The following ITPR1 variants were observed in gnomAD, a reference collection of about 807,000 sequenced individuals.
ITPR1 encodes the protein inositol 1,4,5-trisphosphate-gated calcium channel ITPR1.
ITPR1 carries 96 observed loss-of-function variants against 318.4 expected under a neutral mutation model. That is an observed-to-expected ratio of 0.30 (90% CI 0.26 to 0.36). The LOEUF (loss-of-function observed/expected upper bound fraction) is 0.36. Among genes scored for constraint, ITPR1 ranks in the 10% least tolerant of loss-of-function variants. ITPR1 has a pLI of 1.00. For missense variants in ITPR1, 2,440 were observed against 3,460.2 expected (o/e 0.71, Z 7.40); for synonymous variants, 1,312 against 1,289.9 (o/e 1.02, Z -0.37).
chr3:4,793,240 T>C lies in ITPR1; in HGVS notation c.6809-1825T>C, dbSNP rs574028207. 2.6e-5 allele frequency among the ~76,000 whole-genome samples: 4 copies of C among 152,366 alleles called. No homozygotes were observed. In the South Asian group the frequency reaches 6.2e-4, roughly 24 times the overall value. On this transcript the variant is annotated intron_variant, in intron 52 of 61. Transcript: ENST00000649015. The stretch of plus-strand genomic sequence containing the variant: ...AACTATATGCCATAGTTGAAGACCA[T>C]TTATTACAATCATATTAGCGTATCC...
intron 56 of ITPR1, 46 bp from the exon 57 acceptor site, chr3:4,813,096 A>G: frequency 7.0e-7 from 1 of 1,430,878 alleles, no homozygotes; most frequent in Admixed American, 1.7e-5. Flanking sequence ...CATTTTAACC[A>G]TATGCTGCCA....
rs566427693 is a variant in ITPR1 at position 4,719,529 on chromosome 3, C to T, written c.5136+2130C>T. Among the ~76,000 whole-genome samples the T allele has an allele frequency of 1.6e-3, 249 of 152,330 alleles. 1 individual carries two copies. The highest frequency in any genetic ancestry group is 5.5e-3 in the African/African-American group (227 of 41,572). ...CTGGCCCGGGATTAAGGCAGGGCCTCACATCTGAACTGCGTACCCATGTTC... is the reference window on the plus strand; with the variant it reads ...CTGGCCCGGGATTAAGGCAGGGCCTTACATCTGAACTGCGTACCCATGTTC... On this transcript the variant is annotated intron_variant, in intron 40 of 61. Transcript: ENST00000649015.
At chr3:4,650,012 A>G (rs1159039881) in intron 10 of ITPR1, among the ~76,000 whole-genome samples, 1 of 152,216 alleles carries the variant, frequency 6.6e-6, no homozygotes, top group African/African-American at 2.4e-5. Flanking sequence ...AGACCATACC[A>G]GATAACATGT....
At chr3:4,776,736 T>C (rs1282942132) in intron 47 of ITPR1, among the ~76,000 whole-genome samples, 1 of 152,236 alleles carries the variant, frequency 6.6e-6, no homozygotes, top group Non-Finnish European at 1.5e-5. Flanking sequence ...AGTTTGCTTC[T>C]CTGCCAAATA....
chr3:4,511,620 G>C (rs888550817), intron 2 of ITPR1, among the ~76,000 whole-genome samples: 1 of 152,210 alleles, frequency 6.6e-6, no homozygotes, highest in African/African-American at 2.4e-5. Context: ...CCTTATGTCA[G>C]CTTGCTGAGG....
Position 4,683,766 on chromosome 3 carries a change from G to C in ITPR1, c.3466G>C (p.Ala1156Pro), listed in dbSNP as rs760652235. 6.2e-7 allele frequency: 1 copy of C among 1,614,010 alleles called. No homozygotes were observed. Among genetic ancestry groups the C allele is most frequent in the Non-Finnish European group, 8.5e-7 (1 of 1,179,868 alleles). The change falls in exon 28 of 62, where the codon GCA becomes CCA. Residue 1156 changes from alanine (A) to proline (P), a missense_variant. Around this residue, in one of 23 missense-constraint regions of ITPR1, gnomAD observed 86 missense variants for 75.6 expected, o/e 1.14. Coordinates refer to ENST00000649015, the MANE Select transcript of ITPR1 (RefSeq NM_001378452.1). ...GQGPDETMDG[A>P]SGENEHKKTE... ...GGGCCCCGATGAGACTATGGATGGT[G>C]CATCTGGAGAAAATGAACATAAGAA...
At chr3:4,815,910 A>T (rs549288174) in intron 59 of ITPR1, among the ~76,000 whole-genome samples, 1 of 152,172 alleles carries the variant, frequency 6.6e-6, no homozygotes, top group Non-Finnish European at 1.5e-5. Context: ...TAGAAAAGAC[A>T]TGACTATCCA....
At chr3:4,513,722 G>T (rs942515697) in intron 2 of ITPR1, among the ~76,000 whole-genome samples, 7 of 152,178 alleles carry the variant, frequency 4.6e-5, no homozygotes, top group African/African-American at 1.4e-4. Context: ...ATCATCCGGA[G>T]TATAAGAACA....
Position 4,630,561 on chromosome 3 carries a change from CATTATT to C in ITPR1, c.279+2717_279+2722del, listed in dbSNP as rs71053435. ...TTTTTTTACTATTTTAAATTGTCCG[CATTATT>C]ATTATTATTATTATTATTATTATTA... On this transcript the variant is annotated intron_variant, in intron 5 of 61. Coordinates refer to ENST00000649015, the MANE Select transcript of ITPR1 (RefSeq NM_001378452.1). Among the ~76,000 whole-genome samples, 351 of 138,664 alleles carry C rather than the reference CATTATT, an allele frequency of 2.5e-3. 2 individuals are homozygous for C. Among genetic ancestry groups the C allele is most frequent in the African/African-American group, 3.9e-3 (146 of 37,540 alleles). The allele number at this position is 138,664 out of a possible 152,430, so 91.0% of individuals were successfully genotyped here. A position where few individuals can be genotyped will look rare whatever the true frequency, so the allele number is the denominator to read the frequency against.
intron 5 of ITPR1, among the ~76,000 whole-genome samples, chr3:4,639,048 T>G (rs1373249638): frequency 6.6e-6 from 1 of 152,148 alleles, no homozygotes; most frequent in African/African-American, 2.4e-5. Context: ...TCACAGATTA[T>G]AAAGGGGCTA....
intron 2 of ITPR1, among the ~76,000 whole-genome samples, chr3:4,502,694 C>A (rs1489363212): frequency 3.3e-5 from 5 of 152,028 alleles, no homozygotes; most frequent in Non-Finnish European, 5.9e-5. Flanking sequence ...CCACCTTGGC[C>A]TCCCGAAGTG....
chr3:4,493,908 AGAG>A (rs1306005892), intron 1 of ITPR1, among the ~76,000 whole-genome samples: 3 of 133,576 alleles, frequency 2.2e-5, no homozygotes, highest in Non-Finnish European at 4.8e-5. Flanking sequence ...TTTTTTTTGA[AGAG>A]AGGTTGTGGG....
chr3:4,615,291 C>T (rs1008470733), intron 4 of ITPR1, among the ~76,000 whole-genome samples: 1 of 151,838 alleles, frequency 6.6e-6, no homozygotes, highest in South Asian at 2.1e-4. Context: ...TACCTGTGTT[C>T]GGGCTACTGG....
At chr3:4,695,878 CAT>C (rs1204121059) in intron 33 of ITPR1, among the ~76,000 whole-genome samples, 1 of 152,152 alleles carries the variant, frequency 6.6e-6, no homozygotes, top group Non-Finnish European at 1.5e-5. Context: ...TCCTGGCCCA[CAT>C]GTGTACACTT....
At chr3:4,628,437 A>G (rs2092910171) in intron 5 of ITPR1, among the ~76,000 whole-genome samples, 1 of 152,214 alleles carries the variant, frequency 6.6e-6, no homozygotes, top group African/African-American at 2.4e-5. Flanking sequence ...CTGTGTGACC[A>G]TAGCAAGTTT....
intron 10 of ITPR1, 65 bp downstream of exon 10, chr3:4,645,793 C>CTG: frequency 6.9e-6 from 10 of 1,448,150 alleles, no homozygotes; most frequent in Non-Finnish European, 9.5e-6. Flanking sequence ...TAGGCTCTCT[C>CTG]TCTCTCTATC....
chr3:4,518,540 C>T (rs1266014081), intron 3 of ITPR1, among the ~76,000 whole-genome samples: 1 of 152,164 alleles, frequency 6.6e-6, no homozygotes. Context: ...GACAACCCTT[C>T]CTGTTTTTAA....
intron 2 of ITPR1, among the ~76,000 whole-genome samples, chr3:4,502,795 C>G (rs574546320): frequency 6.6e-6 from 1 of 152,018 alleles, no homozygotes; most frequent in Non-Finnish European, 1.5e-5. Flanking sequence ...TTTGAAAAGC[C>G]TTACAGCCAG....
intron 60 of ITPR1, among the ~76,000 whole-genome samples, chr3:4,825,350 G>A (rs2050003120): frequency 6.6e-6 from 1 of 152,208 alleles, no homozygotes; most frequent in South Asian, 2.1e-4. Context: ...CAAGTGGGAT[G>A]CTCTCAGGAG....
Sources: allele counts gnomAD v4.1 joint callset (sites outside exome capture counted in the v4.1 genomes callset), GRCh38; gene constraint gnomAD v4.1.1; regional missense constraint gnomAD v4.1.1; transcripts MANE v1.5; gene names NCBI Gene and HGNC (gene_info 2026-07-23, HGNC 2026-07-21).